RALGAPA2: variants seen among roughly 807,000 people sequenced by gnomAD.
RALGAPA2 encodes ral GTPase-activating protein subunit alpha-2.
A neutral mutation model predicts 230.4 loss-of-function variants in RALGAPA2; 139 were observed. The ratio of observed to expected loss-of-function variants is 0.60; its 90% CI spans 0.53 to 0.69. The LOEUF is 0.69. RALGAPA2 is among the 30% of genes least tolerant of loss of function. The pLI, the probability that RALGAPA2 is intolerant of heterozygous loss-of-function variation, is 0.00. For missense variants in RALGAPA2, 2,163 were observed against 2,276.0 expected (o/e 0.95, Z 1.01); for synonymous variants, 847 against 837.8 (o/e 1.01, Z -0.19).
At chr20:20,696,401 AT>A (rs958011751) in intron 1 of RALGAPA2, among the ~76,000 whole-genome samples, 27 of 152,288 alleles carry the variant, frequency 1.8e-4, no homozygotes, top group African/African-American at 6.3e-4. Context: ...CAGAAAACCT[AT>A]CTCTGGCAAG....
At chr20:20,441,096 C>G (rs1382129586) in intron 37 of RALGAPA2, among the ~76,000 whole-genome samples, 1 of 152,120 alleles carries the variant, frequency 6.6e-6, no homozygotes, top group African/African-American at 2.4e-5. Context: ...TTAACATGCA[C>G]CAACACTTGC....
chr20:20,565,079 T>G (rs752242921), intron 23 of RALGAPA2, among the ~76,000 whole-genome samples: 1 of 152,220 alleles, frequency 6.6e-6, no homozygotes, highest in Non-Finnish European at 1.5e-5. Context: ...TCTGCTAGTG[T>G]TGAGTTAAAA....
intron 37 of RALGAPA2, among the ~76,000 whole-genome samples, chr20:20,443,269 C>T (rs2123081898): frequency 6.6e-6 from 1 of 152,320 alleles, no homozygotes; most frequent in Admixed American, 6.5e-5. Flanking sequence ...GCATTCATTT[C>T]CTGGATGAGG....
chr20:20,492,970 T>TATATAATGA (rs2123582309), intron 36 of RALGAPA2, among the ~76,000 whole-genome samples: 2 of 152,356 alleles, frequency 1.3e-5, no homozygotes, highest in South Asian at 4.1e-4. Context: ...CAGAAATTCT[T>TATATAATGA]ATATAATGAA....
intron 27 of RALGAPA2, among the ~76,000 whole-genome samples, chr20:20,528,080 A>G (rs2063267197): frequency 1.3e-5 from 2 of 151,664 alleles, no homozygotes; most frequent in South Asian, 2.1e-4. Context: ...TGCAGGGGGG[A>G]TGTGGGGTCT....
At chr20:20,686,438 C>T (rs1024525356) in intron 1 of RALGAPA2, among the ~76,000 whole-genome samples, 10 of 151,448 alleles carry the variant, frequency 6.6e-5, no homozygotes, top group East Asian at 1.9e-4. Flanking sequence ...CCCAGCTACT[C>T]GGGAGGCTGA....
chr20:20,552,452 T>G (rs1320336709), intron 23 of RALGAPA2, among the ~76,000 whole-genome samples: 1 of 152,228 alleles, frequency 6.6e-6, no homozygotes, highest in East Asian at 1.9e-4. Context: ...AATTCATCAC[T>G]GTTTTTTAGA....
chr20:20,656,606 A>C (rs1242086051), intron 3 of RALGAPA2, among the ~76,000 whole-genome samples: 3 of 152,218 alleles, frequency 2.0e-5, no homozygotes, highest in African/African-American at 7.2e-5. Flanking sequence ...AAAGGAGCTA[A>C]ATATAAAAAC....
chr20:20,634,829 T>C (rs2066802879), intron 9 of RALGAPA2, among the ~76,000 whole-genome samples: 1 of 152,160 alleles, frequency 6.6e-6, no homozygotes, highest in African/African-American at 2.4e-5. Flanking sequence ...CCCAATTGTG[T>C]ATGGCTGACC....
At chr20:20,532,012 A>G (rs2063380608) in intron 26 of RALGAPA2, among the ~76,000 whole-genome samples, 1 of 152,236 alleles carries the variant, frequency 6.6e-6, no homozygotes, top group African/African-American at 2.4e-5. Flanking sequence ...GTACTTAAAT[A>G]TTTAATTAAA....
At chr20:20,532,150 A>G (rs941557536) in intron 26 of RALGAPA2, among the ~76,000 whole-genome samples, 23 of 152,240 alleles carry the variant, frequency 1.5e-4, no homozygotes, top group Admixed American at 1.2e-3. Flanking sequence ...TAAATCTGAG[A>G]AAACTGTCAA....
At position 20,465,395 on chromosome 20, in the gene RALGAPA2, G is replaced by A. The variant is rs922707385; in HGVS notation, c.5495+7434C>T. Among the ~76,000 whole-genome samples, 4 of 152,172 alleles carry A rather than the reference G, an allele frequency of 2.6e-5. No individual in the cohort carries two copies. The East Asian group carries it at 7.7e-4, about 29-fold the overall frequency. ...GGCCTCAAGGGCAGTGTGAAGGGTG[G>A]GGTATAGCAGAGTGGCTGAGAGGAG... On this transcript the variant is annotated intron_variant, in intron 37 of 39. Transcript: ENST00000202677.
intron 28 of RALGAPA2, among the ~76,000 whole-genome samples, chr20:20,525,525 T>C (rs1420213674): frequency 1.3e-5 from 2 of 152,224 alleles, no homozygotes. Flanking sequence ...TAAATGAATA[T>C]CACTTCTCTC....
At position 20,393,147 on chromosome 20, in the gene RALGAPA2, G is replaced by A. The variant is rs2059631474; in HGVS notation, c.*142C>T. The stretch of plus-strand genomic sequence containing the variant: ...CACTAGTACAGCAACGAAATTTCCT[G>A]GAGATTCTGGGTTTAGTGGCTCGGG... On this transcript the variant is annotated 3_prime_UTR_variant, in exon 40 of 40. Transcript: ENST00000202677. The A allele has an allele frequency of 1.5e-6, 2 of 1,360,634 alleles. No homozygotes were observed. Among genetic ancestry groups the A allele is most frequent in the African/African-American group, 1.5e-5 (1 of 67,616 alleles). 84.3% of individuals were successfully genotyped at this position (1,360,634 alleles called of 1,614,324 possible). A position where few individuals can be genotyped will look rare whatever the true frequency, so the allele number is the denominator to read the frequency against.
chr20:20,511,839 T>C (rs1181618586), intron 32 of RALGAPA2, among the ~76,000 whole-genome samples: 1 of 152,220 alleles, frequency 6.6e-6, no homozygotes, highest in Non-Finnish European at 1.5e-5. Flanking sequence ...TTCACCTTTG[T>C]AGTTCATTTG....
intron 1 of RALGAPA2, among the ~76,000 whole-genome samples, chr20:20,684,737 A>T (rs1233496637): frequency 6.6e-6 from 1 of 152,184 alleles, no homozygotes; most frequent in Non-Finnish European, 1.5e-5. Context: ...TCCCTTTATT[A>T]ATTTGCTGCC....
intron 37 of RALGAPA2, among the ~76,000 whole-genome samples, chr20:20,442,616 C>T (rs1237796400): frequency 6.6e-6 from 1 of 152,192 alleles, no homozygotes; most frequent in Admixed American, 6.5e-5. Context: ...TTTGGCTTTG[C>T]CTTGGCATTT....
Position 20,437,918 on chromosome 20 carries a change from G to A in RALGAPA2, c.5496-25770C>T, listed in dbSNP as rs1180149847. 6.6e-6 allele frequency among the ~76,000 whole-genome samples: 1 copy of A among 152,104 alleles called. No homozygotes were observed. The highest frequency in any genetic ancestry group is 1.5e-5 in the Non-Finnish European group (1 of 68,038). On this transcript the variant is annotated intron_variant, in intron 37 of 39. Coordinates refer to ENST00000202677, the MANE Select transcript of RALGAPA2 (RefSeq NM_020343.4). The surrounding 1 kb of genome is among the most constrained non-coding windows in gnomAD (Gnocchi z 4.1). ...CTACAGAGTCTCAGAAACCACTCTC[G>A]CAGGCTAGCTGGCTGAAGGAACAAC...
intron 24 of RALGAPA2, among the ~76,000 whole-genome samples, chr20:20,538,370 C>T (rs2063553096): frequency 6.6e-6 from 1 of 151,934 alleles, no homozygotes; most frequent in Admixed American, 6.6e-5. Flanking sequence ...GTGAGGGAGC[C>T]AGTTGAGTAG....
Sources: allele counts gnomAD v4.1 joint callset (sites outside exome capture counted in the v4.1 genomes callset), GRCh38; gene constraint gnomAD v4.1.1; non-coding constraint Gnocchi (gnomAD v3.1); transcripts MANE v1.5; gene names NCBI Gene and HGNC (gene_info 2026-07-23, HGNC 2026-07-21).